The following KCNB2 variants were observed in gnomAD, a reference collection of about 807,000 sequenced individuals.
KCNB2 encodes the protein delayed rectifier potassium channel protein.
A neutral mutation model predicts 61.5 loss-of-function variants in KCNB2; 15 were observed. The ratio of observed to expected loss-of-function variants is 0.24; its 90% CI spans 0.16 to 0.38. The LOEUF (loss-of-function observed/expected upper bound fraction) is 0.38, where lower values mean the gene tolerates loss of function less well. Ranked by LOEUF, KCNB2 falls within the 10% of genes least tolerant of loss-of-function variation. The pLI is 1.00. For synonymous variants in KCNB2, 457 were observed against 446.0 expected (o/e 1.02, Z -0.31); for missense variants, 828 against 1,125.2 (o/e 0.74, Z 3.78).
chr8:72,830,227 C>CAA (rs543474001), intron 2 of KCNB2, among the ~76,000 whole-genome samples: 3,746 of 81,582 alleles, frequency 0.046, 37 homozygotes, highest in African/African-American at 0.068. Flanking sequence ...TCATATTTTC[C>CAA]AAAAAAAAAA....
chr8:72,906,600 C>G (rs763894602), intron 2 of KCNB2, among the ~76,000 whole-genome samples: 13 of 152,206 alleles, frequency 8.5e-5, no homozygotes, highest in Admixed American at 3.3e-4. Context: ...AGTTGGTTTG[C>G]AAATTAACGT....
chr8:72,745,585 C>T (rs1808048126), intron 2 of KCNB2, among the ~76,000 whole-genome samples: 2 of 152,290 alleles, frequency 1.3e-5, no homozygotes, highest in Admixed American at 6.5e-5. Flanking sequence ...TCATCATTCC[C>T]CTCTCAGCAC....
chr8:72,704,332 A>G (rs1429622241), intron 2 of KCNB2, among the ~76,000 whole-genome samples: 1 of 152,176 alleles, frequency 6.6e-6, no homozygotes, highest in East Asian at 1.9e-4. Flanking sequence ...TTAGTGTCCC[A>G]GTTTATAGAT....
chr8:72,656,790 G>A (rs912060561), intron 2 of KCNB2, among the ~76,000 whole-genome samples: 4 of 152,198 alleles, frequency 2.6e-5, no homozygotes, highest in East Asian at 3.9e-4. Flanking sequence ...CACATGCACC[G>A]TGGAACCTAG....
chr8:72,702,243 A>G (rs1807143724), intron 2 of KCNB2, among the ~76,000 whole-genome samples: 1 of 151,884 alleles, frequency 6.6e-6, no homozygotes, highest in Admixed American at 6.6e-5. Flanking sequence ...GGTTGGAGGA[A>G]CTCGCTCAGC....
At chr8:72,789,975 A>G (rs1585894642) in intron 2 of KCNB2, among the ~76,000 whole-genome samples, 1 of 152,256 alleles carries the variant, frequency 6.6e-6, no homozygotes, top group Non-Finnish European at 1.5e-5. Context: ...TGAGAAGGTG[A>G]GACTGACTCC....
At chr8:72,698,740 G>A (rs1301574706) in intron 2 of KCNB2, among the ~76,000 whole-genome samples, 20 of 152,060 alleles carry the variant, frequency 1.3e-4, no homozygotes. Context: ...CTTCAACAAA[G>A]TCAACAAAAA....
intron 2 of KCNB2, among the ~76,000 whole-genome samples, chr8:72,636,703 T>C (rs1445454850): frequency 6.6e-6 from 1 of 152,202 alleles, no homozygotes; most frequent in African/African-American, 2.4e-5. Flanking sequence ...TAAAGTGCTC[T>C]TTAGAACTAT....
intron 2 of KCNB2, among the ~76,000 whole-genome samples, chr8:72,730,699 A>T (rs571897585): frequency 6.6e-6 from 1 of 152,328 alleles, no homozygotes; most frequent in East Asian, 1.9e-4. Flanking sequence ...TAAATCATCT[A>T]AGTAAAATAT....
chr8:72,736,634 C>G (rs1460821025), intron 2 of KCNB2, among the ~76,000 whole-genome samples: 1 of 152,110 alleles, frequency 6.6e-6, no homozygotes, highest in African/African-American at 2.4e-5. Flanking sequence ...ACCTTCCAGC[C>G]AACTCTTTCA....
At chr8:72,899,994 A>AC (rs1270939462) in intron 2 of KCNB2, among the ~76,000 whole-genome samples, 1 of 152,096 alleles carries the variant, frequency 6.6e-6, no homozygotes, top group African/African-American at 2.4e-5. Flanking sequence ...ACATAGTGAG[A>AC]CCCCATCTCA....
chr8:72,648,949 C>T (rs1011833940), intron 2 of KCNB2, among the ~76,000 whole-genome samples: 1 of 151,836 alleles, frequency 6.6e-6, no homozygotes, highest in Non-Finnish European at 1.5e-5. Context: ...TGATATTGTC[C>T]TTTTACATTG....
chr8:72,725,897 A>G (rs1807642050), intron 2 of KCNB2, among the ~76,000 whole-genome samples: 1 of 152,116 alleles, frequency 6.6e-6, no homozygotes, highest in Admixed American at 6.6e-5. Context: ...CTCTAAAAGC[A>G]CATACCCTTT....
chr8:72,599,848 G>T (rs1011678797), intron 2 of KCNB2, among the ~76,000 whole-genome samples: 10 of 152,140 alleles, frequency 6.6e-5, no homozygotes, highest in African/African-American at 2.4e-4. Flanking sequence ...ATGAAAAAAG[G>T]CTCATCATCA....
chr8:72,615,633 G>T (rs1173195795), intron 2 of KCNB2, among the ~76,000 whole-genome samples: 1 of 152,138 alleles, frequency 6.6e-6, no homozygotes, highest in Non-Finnish European at 1.5e-5. Flanking sequence ...ACTGGGGATG[G>T]GTGTGTTTTG....
At chr8:72,580,506 T>C (rs1806873536) in intron 2 of KCNB2, among the ~76,000 whole-genome samples, 1 of 152,196 alleles carries the variant, frequency 6.6e-6, no homozygotes, top group Non-Finnish European at 1.5e-5. Context: ...TCACTTAAAA[T>C]CATCTTATAC....
chr8:72,688,931 G>A (rs547275934), intron 2 of KCNB2, among the ~76,000 whole-genome samples: 39 of 152,062 alleles, frequency 2.6e-4, no homozygotes, highest in African/African-American at 7.0e-4. Context: ...GTTTCACCAC[G>A]TTGGCCAGGC....
At chr8:72,710,651 A>G (rs747875411) in intron 2 of KCNB2, among the ~76,000 whole-genome samples, 1 of 152,190 alleles carries the variant, frequency 6.6e-6, no homozygotes, top group Non-Finnish European at 1.5e-5. Context: ...ACCCAATCAC[A>G]TAGTGAAACT....
At chr8:72,914,240 C>T (rs1306043055) in intron 2 of KCNB2, among the ~76,000 whole-genome samples, 1 of 152,118 alleles carries the variant, frequency 6.6e-6, no homozygotes, top group Non-Finnish European at 1.5e-5. Context: ...CCAAAGCATT[C>T]CCCCATTCTA....
Sources: allele counts gnomAD v4.1 joint callset (sites outside exome capture counted in the v4.1 genomes callset), GRCh38; gene constraint gnomAD v4.1.1; transcripts MANE v1.5; gene names NCBI Gene and HGNC (gene_info 2026-07-23, HGNC 2026-07-21).